The following XKR9 variants were observed in gnomAD, a reference collection of about 807,000 sequenced individuals.
XKR9 encodes the protein XK-related protein 9.
XKR9 carries 32 observed loss-of-function variants against 32.0 expected under a neutral mutation model. The ratio of observed to expected loss-of-function variants is 1.00; its 90% CI spans 0.76 to 1.34. The LOEUF (loss-of-function observed/expected upper bound fraction) is 1.34. Among genes scored for constraint, XKR9 ranks in the 40% most tolerant of loss-of-function variants. XKR9 has a pLI of 0.00. For missense variants in XKR9, 546 were observed against 429.7 expected (o/e 1.27, Z -2.39); for synonymous variants, 168 against 143.4 (o/e 1.17, Z -1.22).
At chr8:70,957,569 T>C in the XKR9 span, among the ~76,000 whole-genome samples, 1 of 152,078 alleles carries the variant, frequency 6.6e-6, no homozygotes, top group Non-Finnish European at 1.5e-5. Flanking sequence ...CAGTGTGTAT[T>C]GTTCCCCAAG....
the XKR9 span, among the ~76,000 whole-genome samples, chr8:70,806,796 G>A: frequency 6.6e-6 from 1 of 152,154 alleles, no homozygotes; most frequent in Non-Finnish European, 1.5e-5. Flanking sequence ...ATTCACTAGA[G>A]TACCTGAAGG....
chr8:70,686,403 G>T (rs1003194369), intron 3 of XKR9, among the ~76,000 whole-genome samples: 3 of 118,322 alleles, frequency 2.5e-5, no homozygotes, highest in Non-Finnish European at 3.7e-5. Flanking sequence ...CCACCACACC[G>T]AGATAGCTAA....
At chr8:70,797,418 C>A in the XKR9 span, among the ~76,000 whole-genome samples, 24 of 152,096 alleles carry the variant, frequency 1.6e-4, no homozygotes, top group Non-Finnish European at 2.8e-4. Flanking sequence ...TGGATTCAAC[C>A]TTTTGAACTG....
chr8:70,704,686 A>G (rs769032340), intron 3 of XKR9, among the ~76,000 whole-genome samples: 1 of 152,140 alleles, frequency 6.6e-6, no homozygotes, highest in Non-Finnish European at 1.5e-5. Context: ...TGCTCTGGGT[A>G]TGTTTATACT....
At chr8:70,967,534 GGT>G in the XKR9 span, among the ~76,000 whole-genome samples, 2 of 152,124 alleles carry the variant, frequency 1.3e-5, no homozygotes, top group Non-Finnish European at 2.9e-5. Context: ...TAGTGTCACT[GGT>G]CTGTGCACTT....
At chr8:70,958,594 G>A in the XKR9 span, among the ~76,000 whole-genome samples, 5 of 152,046 alleles carry the variant, frequency 3.3e-5, no homozygotes, top group Admixed American at 1.3e-4. Flanking sequence ...GTGGATATTC[G>A]ACCTTTGTCA....
intron 2 of XKR9, among the ~76,000 whole-genome samples, chr8:70,763,827 G>T (rs1807338638): frequency 1.3e-5 from 2 of 152,158 alleles, no homozygotes; most frequent in South Asian, 2.1e-4. Context: ...TGGTCCTTGG[G>T]TATAAAATTA....
At chr8:70,962,341 T>G in the XKR9 span, among the ~76,000 whole-genome samples, 1 of 152,168 alleles carries the variant, frequency 6.6e-6, no homozygotes, top group Non-Finnish European at 1.5e-5. Context: ...CAATAGTTTT[T>G]CAAACCTTGC....
intron 2 of XKR9, among the ~76,000 whole-genome samples, chr8:70,768,437 C>T (rs540055049): frequency 6.6e-6 from 1 of 152,202 alleles, no homozygotes; most frequent in South Asian, 2.1e-4. Flanking sequence ...CTATTAGGTC[C>T]TCTTGGTCCA....
the XKR9 span, among the ~76,000 whole-genome samples, chr8:70,851,027 A>G: frequency 6.6e-6 from 1 of 152,216 alleles, no homozygotes; most frequent in Non-Finnish European, 1.5e-5. Context: ...GTATATTTAG[A>G]AAACCCCATC....
chr8:70,769,067 CT>C (rs1249517852), intron 2 of XKR9, among the ~76,000 whole-genome samples: 7 of 152,012 alleles, frequency 4.6e-5, no homozygotes, highest in African/African-American at 1.7e-4. Flanking sequence ...TGGCTGGTAC[CT>C]GTTTTTTCTT....
chr8:70,813,118 G>A, the XKR9 span, among the ~76,000 whole-genome samples: 1 of 152,236 alleles, frequency 6.6e-6, no homozygotes, highest in East Asian at 1.9e-4. Context: ...GAACAGAACA[G>A]AGCCCTCAGA....
At chr8:70,901,036 GTTT>G in the XKR9 span, among the ~76,000 whole-genome samples, 1 of 152,070 alleles carries the variant, frequency 6.6e-6, no homozygotes, top group Non-Finnish European at 1.5e-5. Flanking sequence ...TATGTGCCAC[GTTT>G]TCTTAATCCA....
intron 2 of XKR9, among the ~76,000 whole-genome samples, chr8:70,745,317 T>C (rs1282285909): frequency 6.6e-6 from 1 of 152,228 alleles, no homozygotes; most frequent in Non-Finnish European, 1.5e-5. Flanking sequence ...CAACTAAATT[T>C]TGGGCTTTTT....
At chr8:71,059,541 G>C in the XKR9 span, among the ~76,000 whole-genome samples, 1 of 152,232 alleles carries the variant, frequency 6.6e-6, no homozygotes, top group Non-Finnish European at 1.5e-5. Context: ...GCAGAGAAGA[G>C]AAAAGATTTC....
chr8:70,680,983 C>T lies in XKR9; in HGVS notation c.-76C>T. On this transcript the variant is annotated 5_prime_UTR_variant, in exon 3 of 5. Coordinates refer to ENST00000408926, the MANE Select transcript of XKR9 (RefSeq NM_001011720.2). Reference sequence around the variant, plus strand: ...ATTCAATGCTATACCAAAGGGTATACTAATATTTGTTTGGCTTTTTTTCCC... The same window carrying T: ...ATTCAATGCTATACCAAAGGGTATATTAATATTTGTTTGGCTTTTTTTCCC... 7 of 1,395,130 alleles carry T rather than the reference C, an allele frequency of 5.0e-6. No homozygotes were observed. The highest frequency in any genetic ancestry group is 4.3e-5 in the African/African-American group (3 of 69,652). 86.4% of individuals were successfully genotyped at this position (1,395,130 alleles called of 1,614,324 possible). A position where few individuals can be genotyped will look rare whatever the true frequency, so the allele number is the denominator to read the frequency against.
chr8:70,715,665 CATT>C (rs1401191996), intron 4 of XKR9, among the ~76,000 whole-genome samples: 1 of 151,924 alleles, frequency 6.6e-6, no homozygotes, highest in Non-Finnish European at 1.5e-5. Flanking sequence ...TCAAGCACAT[CATT>C]ATATCATTTC....
In XKR9 at chr8:70,676,168, G is replaced by A. The variant is rs562302632; in HGVS notation, c.-279+1269G>A. Reference sequence around the variant, plus strand: ...GAAGCACGTGTCTCACGTGGAGAGAGCAGGAGCAAAAAAGAGAGTAGTGGG... The same window carrying A: ...GAAGCACGTGTCTCACGTGGAGAGAACAGGAGCAAAAAAGAGAGTAGTGGG... On this transcript the variant is annotated intron_variant, in intron 2 of 4. Transcript: ENST00000408926. 1.1e-4 allele frequency among the ~76,000 whole-genome samples: 17 copies of A among 152,216 alleles called. No individual in the cohort carries two copies. The South Asian group carries it at 3.3e-3, about 30-fold the overall frequency.
the XKR9 span, among the ~76,000 whole-genome samples, chr8:70,825,679 G>A: frequency 6.6e-6 from 1 of 152,142 alleles, no homozygotes; most frequent in Middle Eastern, 3.4e-3. Flanking sequence ...TCACTTCTAT[G>A]CCTCCCAAAT....
Sources: allele counts gnomAD v4.1 joint callset (sites outside exome capture counted in the v4.1 genomes callset), GRCh38; gene constraint gnomAD v4.1.1; transcripts MANE v1.5; gene names NCBI Gene and HGNC (gene_info 2026-07-23, HGNC 2026-07-21).